The following TRIP12 variants were observed in gnomAD, a reference collection of about 807,000 sequenced individuals.
TRIP12 encodes the protein E3 ubiquitin-protein ligase TRIP12.
Under a neutral mutation model 244.2 loss-of-function variants are expected in TRIP12, and 25 were observed. The ratio of observed to expected loss-of-function variants is 0.10; its 90% CI spans 0.07 to 0.14. The LOEUF is 0.14. Ranked by LOEUF, TRIP12 falls within the 10% of genes least tolerant of loss-of-function variation. The pLI is 1.00. For synonymous variants in TRIP12, 905 were observed against 873.1 expected, an observed-to-expected ratio of 1.04 and a Z score of -0.64; for missense variants, 1,677 against 2,486.4, an observed-to-expected ratio of 0.67 and a Z score of 6.92.
chr2:229,784,262 T>C (rs2039297569), intron 34 of TRIP12, among the ~76,000 whole-genome samples: 1 of 151,254 alleles, frequency 6.6e-6, no homozygotes, highest in Admixed American at 6.6e-5. Context: ...AATCAACCAG[T>C]TTCCCACAAA....
intron 1 of TRIP12, among the ~76,000 whole-genome samples, chr2:229,919,959 T>C (rs538102648): frequency 6.6e-6 from 1 of 152,378 alleles, no homozygotes; most frequent in Admixed American, 6.5e-5. Flanking sequence ...CTTTAAAACT[T>C]ACACTTAATA....
intron 4 of TRIP12, among the ~76,000 whole-genome samples, chr2:229,846,480 C>T (rs1264284503): frequency 1.3e-5 from 2 of 152,060 alleles, no homozygotes; most frequent in Non-Finnish European, 2.9e-5. Context: ...AGACACAATG[C>T]TATTTATTGC....
chr2:229,844,896 G>A (rs953744582), intron 4 of TRIP12, among the ~76,000 whole-genome samples: 5 of 152,168 alleles, frequency 3.3e-5, no homozygotes, highest in Admixed American at 3.3e-4. Context: ...AAAGTTCTCT[G>A]GAGAGCTATC....
Position 229,799,277 on chromosome 2 carries a change from G to C in TRIP12, c.3307+6C>G, listed in dbSNP as rs750491931. The C allele has an allele frequency of 3.6e-5, 58 of 1,613,754 alleles. No homozygotes were observed. The highest frequency in any genetic ancestry group is 4.9e-5 in the Non-Finnish European group (58 of 1,179,826). The stretch of plus-strand genomic sequence containing the variant: ...TACCTCCCCATAGTTTCATCAAAGG[G>C]GTTACCTTGATTGTCTACTTTGTCA... On this transcript the variant is annotated splice_donor_region_variant and intron_variant, in intron 22 of 41. Coordinates refer to ENST00000675903, the MANE Select transcript of TRIP12 (RefSeq NM_001348323.3).
At chr2:229,856,070 G>C (rs1436616180) in intron 4 of TRIP12, among the ~76,000 whole-genome samples, 1 of 150,212 alleles carries the variant, frequency 6.7e-6, no homozygotes, top group African/African-American at 2.5e-5. Flanking sequence ...GTATCCTAAA[G>C]CACCATTTTT....
At chr2:229,885,683 G>A (rs2065869856) in intron 1 of TRIP12, among the ~76,000 whole-genome samples, 1 of 152,172 alleles carries the variant, frequency 6.6e-6, no homozygotes, top group Non-Finnish European at 1.5e-5. Context: ...CTTCAAATAA[G>A]CCTATCTTTA....
chr2:229,904,686 T>C (rs2072172461), intron 1 of TRIP12, among the ~76,000 whole-genome samples: 1 of 152,144 alleles, frequency 6.6e-6, no homozygotes, highest in South Asian at 2.1e-4. Context: ...ATTTTAACAA[T>C]TGCTCTATAC....
Position 229,767,340 on chromosome 2 carries a change from A to C in TRIP12, c.*214T>G. 2.4e-6 allele frequency: 1 copy of C among 421,462 alleles called. No homozygotes were observed. The highest frequency in any genetic ancestry group is 1.1e-4 in the South Asian group (1 of 9,156). 26.1% of individuals were successfully genotyped at this position (421,462 alleles called of 1,614,324 possible). On this transcript the variant is annotated 3_prime_UTR_variant, in exon 42 of 42. Transcript: ENST00000675903. ...TAATTTAAACAAGAACTTGCTAAAG[A>C]AACCTCATCACAACAACGTTTTAGG...
chr2:229,866,791 T>G (rs1430935843), intron 2 of TRIP12, among the ~76,000 whole-genome samples: 1 of 152,158 alleles, frequency 6.6e-6, no homozygotes, highest in African/African-American at 2.4e-5. Context: ...CAACGAATAC[T>G]TTTAGCAGGA....
In TRIP12 at chr2:229,766,866, A is replaced by G. The variant is rs929630034; in HGVS notation, c.*688T>C. 1.3e-5 allele frequency: 2 copies of G among 152,214 alleles called. No individual in the cohort carries two copies. Among genetic ancestry groups the G allele is most frequent in the Admixed American group, 6.5e-5 (1 of 15,280 alleles). The allele number at this position is 152,214 out of a possible 1,614,324, so 9.4% of individuals were successfully genotyped here. A position where few individuals can be genotyped will look rare whatever the true frequency, so the allele number is the denominator to read the frequency against. On this transcript the variant is annotated 3_prime_UTR_variant, in exon 42 of 42. Transcript: ENST00000675903. Reference sequence around the variant, plus strand: ...CCCTAAACTATATTAAAACTAAACTATAAGAAAAGTCTACCTAGTTACAAA... The same window carrying G: ...CCCTAAACTATATTAAAACTAAACTGTAAGAAAAGTCTACCTAGTTACAAA...
chr2:229,826,982 T>C (rs1424875083), intron 8 of TRIP12, among the ~76,000 whole-genome samples: 1 of 152,140 alleles, frequency 6.6e-6, no homozygotes, highest in East Asian at 1.9e-4. Context: ...GAAATATCTT[T>C]CTTAAAGAAA....
At chr2:229,892,821 G>A (rs1413607207) in intron 1 of TRIP12, among the ~76,000 whole-genome samples, 4 of 152,048 alleles carry the variant, frequency 2.6e-5, no homozygotes, top group East Asian at 3.9e-4. Context: ...GGCTGAGATT[G>A]CACCACTGCA....
rs1406691412 is a variant in TRIP12, at chr2:229,803,805, T to G, written c.2880-116A>C. ...TCATTGTGAAACCATTCTATTAACA[T>G]AAACATTTTTCTTAAATGCTCAAGT... is the stretch of plus-strand genomic sequence containing the variant. On this transcript the variant is annotated intron_variant, in intron 19 of 41. Transcript: ENST00000675903. The G allele has an allele frequency of 6.6e-6, 6 of 907,984 alleles. No homozygotes were observed. The East Asian group carries it at 1.3e-4, about 19-fold the overall frequency. The allele number at this position is 907,984 out of a possible 1,614,324, so 56.2% of individuals were successfully genotyped here. A position where few individuals can be genotyped will look rare whatever the true frequency, so the allele number is the denominator to read the frequency against.
Position 229,785,745 on chromosome 2 carries a change from C to CT in TRIP12, c.5094+11dup. ...GTCAAGCTAAATAACCATCACCAGA[C>CT]TCCAAGCTCACCTCATTTTCATACT... On this transcript the variant is annotated intron_variant, in intron 34 of 41. Coordinates refer to ENST00000675903, the MANE Select transcript of TRIP12 (RefSeq NM_001348323.3). 1 of 1,612,052 alleles carries CT rather than the reference C, an allele frequency of 6.2e-7. No individual in the cohort carries two copies. Among genetic ancestry groups the CT allele is most frequent in the African/African-American group, 1.3e-5 (1 of 74,930 alleles).
At chr2:229,841,026 G>T (rs1007897483) in intron 4 of TRIP12, 99 bp from the exon 5 acceptor site, 1 of 869,932 alleles carries the variant, frequency 1.1e-6, no homozygotes, top group Non-Finnish European at 1.8e-6. Flanking sequence ...AAACTTCACA[G>T]AATATTTTTA....
chr2:229,856,939 C>A (rs905935407), intron 4 of TRIP12, among the ~76,000 whole-genome samples: 1 of 152,270 alleles, frequency 6.6e-6, no homozygotes, highest in Middle Eastern at 3.4e-3. Context: ...AAATATGTTA[C>A]TTCACAATAA....
rs751996411 is a variant in TRIP12 at position 229,840,877 on chromosome 2, G to C, written c.1078C>G (p.Pro360Ala). The stretch of plus-strand genomic sequence containing the variant: ...TGGCGTGTGCTCCGCCTCAAACTGG[G>C]GAGCTCAGCAGGTGGAGACTCACTG... The part of the protein sequence containing the change: ...KRSESPPAEL[P>A]SLRRSTRQKT... Residue 360 changes from proline to alanine, a missense_variant, in exon 5 of 42, where the codon CCC becomes GCC. By Grantham distance (27) the Pro-to-Ala change is conservative. Coordinates refer to ENST00000675903, the MANE Select transcript of TRIP12 (RefSeq NM_001348323.3). 1 of 1,610,766 alleles carries C rather than the reference G, an allele frequency of 6.2e-7. No individual in the cohort carries two copies. Among genetic ancestry groups the C allele is most frequent in the Non-Finnish European group, 8.5e-7 (1 of 1,179,152 alleles).
intron 4 of TRIP12, among the ~76,000 whole-genome samples, chr2:229,851,736 T>C (rs2058747030): frequency 6.6e-6 from 1 of 151,722 alleles, no homozygotes; most frequent in Non-Finnish European, 1.5e-5. Context: ...ACGTGCTGCC[T>C]TAAGAACTGT....
At chr2:229,908,566 A>C (rs1249860468) in intron 1 of TRIP12, among the ~76,000 whole-genome samples, 1 of 151,004 alleles carries the variant, frequency 6.6e-6, no homozygotes, top group East Asian at 2.0e-4. Flanking sequence ...CCCCGTCTCT[A>C]TTAAAAATAC....
Sources: allele counts gnomAD v4.1 joint callset (sites outside exome capture counted in the v4.1 genomes callset), GRCh38; gene constraint gnomAD v4.1.1; transcripts MANE v1.5; gene names NCBI Gene and HGNC (gene_info 2026-07-23, HGNC 2026-07-21).